The following RPP30 variants were observed in gnomAD, a reference collection of about 807,000 sequenced individuals.
RPP30 encodes the protein ribonuclease P/MRP subunit p30.
Under a neutral mutation model 38.6 loss-of-function variants are expected in RPP30, and 36 were observed. That is an observed-to-expected ratio of 0.93 (90% confidence interval 0.71 to 1.23). RPP30 has a LOEUF of 1.23. RPP30 is among the 50% of genes most tolerant of loss of function. The probability of loss-of-function intolerance (pLI) is 0.00; values close to 1 mark genes in which losing one functional copy is unlikely to be tolerated. For synonymous variants in RPP30, 126 were observed against 112.7 expected (o/e 1.12, Z -0.75); for missense variants, 321 against 321.7 (o/e 1.00, Z 0.02).
chr10:90,885,418 G>A (rs1846986901), intron 5 of RPP30, among the ~76,000 whole-genome samples: 1 of 152,198 alleles, frequency 6.6e-6, no homozygotes, highest in Non-Finnish European at 1.5e-5. Context: ...AATGGACTAT[G>A]CATACATTCC....
At position 90,872,025 on chromosome 10, in the gene RPP30, T is replaced by C. The variant is rs752704138; in HGVS notation, c.39T>C (p.Ser13=). 2 of 1,614,186 alleles carry C rather than the reference T, an allele frequency of 1.2e-6. No individual in the cohort carries two copies. Among genetic ancestry groups the C allele is most frequent in the Non-Finnish European group, 1.7e-6 (2 of 1,180,016 alleles). ...VFADLDLRAG[S]DLKALRGLVE... ...CAGATTTGGACCTGCGAGCGGGTTCTGACCTGAAGGCTCTGCGCGGACTTG... is the reference window on the plus strand; with the variant it reads ...CAGATTTGGACCTGCGAGCGGGTTCCGACCTGAAGGCTCTGCGCGGACTTG... Residue 13 remains serine (S), a synonymous_variant, in exon 1 of 11, where the codon TCT becomes TCC. Transcript: ENST00000371703.
At chr10:90,872,183 AT>A in intron 1 of RPP30, 115 bp downstream of exon 1, 6 of 903,910 alleles carry the variant, frequency 6.6e-6, no homozygotes, top group Non-Finnish European at 9.1e-6. Flanking sequence ...AGTCTCTGGG[AT>A]GTCCCTGGAG....
At chr10:90,892,199 A>C (rs1847089194) in intron 6 of RPP30, among the ~76,000 whole-genome samples, 1 of 152,210 alleles carries the variant, frequency 6.6e-6, no homozygotes, top group African/African-American at 2.4e-5. Context: ...CTAATCAGGC[A>C]GGCACTGTTA....
intron 3 of RPP30, 121 bp from the exon 4 acceptor site, chr10:90,875,903 G>T (rs963814102): frequency 2.6e-5 from 17 of 649,074 alleles, no homozygotes; most frequent in African/African-American, 7.3e-5. Context: ...CAAGGACTGG[G>T]TTTTATTGAT....
chr10:90,896,268 T>A, intron 9 of RPP30, 45 bp from the exon 10 acceptor site: 2 of 1,543,338 alleles, frequency 1.3e-6, no homozygotes, highest in Non-Finnish European at 1.8e-6. Flanking sequence ...GTTAGTCTCG[T>A]GTCCTTGGGT....
chr10:90,899,735 C>T (rs766737069), intron 10 of RPP30, among the ~76,000 whole-genome samples: 6 of 152,166 alleles, frequency 3.9e-5, no homozygotes, highest in Non-Finnish European at 8.8e-5. Context: ...AGTAGTGTCA[C>T]CTTTATATAA....
rs1324794149 is a variant in RPP30, at chr10:90,872,378, A to G, written c.82+310A>G. Among the ~76,000 whole-genome samples the G allele has an allele frequency of 4.6e-5, 7 of 152,316 alleles. No homozygotes were observed. In the East Asian group the frequency reaches 1.3e-3, roughly 29 times the overall value. ...GCCGGAGCTGGACTCCAAGGGTACA[A>G]TCTTCTAAGCTTCTAAGTTACTATC... On this transcript the variant is annotated intron_variant, in intron 1 of 10. Coordinates refer to ENST00000371703, the MANE Select transcript of RPP30 (RefSeq NM_006413.5).
intron 4 of RPP30, among the ~76,000 whole-genome samples, chr10:90,877,543 A>C (rs1054939114): frequency 2.6e-5 from 4 of 152,214 alleles, no homozygotes; most frequent in Admixed American, 2.6e-4. Context: ...GTAGAAGGAC[A>C]GCAAGCAAAG....
chr10:90,907,053 A>G (rs765640093), downstream of RPP30, among the ~76,000 whole-genome samples: 2 of 152,196 alleles, frequency 1.3e-5, no homozygotes, highest in African/African-American at 2.4e-5. Context: ...CCCTCTACCT[A>G]GTTATTAGTG....
intron 1 of RPP30, 166 bp downstream of exon 1, chr10:90,872,234 G>A: frequency 1.6e-6 from 1 of 637,924 alleles, no homozygotes; most frequent in East Asian, 2.8e-5. Context: ...TCCTAGCGCG[G>A]GAAACTCGAA....
intron 6 of RPP30, among the ~76,000 whole-genome samples, chr10:90,891,557 A>G (rs572656349): frequency 5.3e-5 from 8 of 152,352 alleles, no homozygotes; most frequent in South Asian, 2.1e-4. Flanking sequence ...GTGTTATTCT[A>G]CAGATACACT....
chr10:90,877,951 A>G lies in RPP30; in HGVS notation c.271-1112A>G, dbSNP rs377132248. 1.6e-4 allele frequency among the ~76,000 whole-genome samples: 24 copies of G among 152,338 alleles called. No individual in the cohort carries two copies. In the East Asian group the frequency reaches 3.5e-3, roughly 22 times the overall value. On this transcript the variant is annotated intron_variant, in intron 4 of 10. Coordinates refer to ENST00000371703, the MANE Select transcript of RPP30 (RefSeq NM_006413.5). ...TCATATAATAGAAGTAATTAAGGAAAGACTCCCTTTATAACAGTTACTATT... is the reference window on the plus strand; with the variant it reads ...TCATATAATAGAAGTAATTAAGGAAGGACTCCCTTTATAACAGTTACTATT...
At chr10:90,875,969 G>A (rs960021099) in intron 3 of RPP30, 55 bp from the exon 4 acceptor site, 8 of 1,048,728 alleles carry the variant, frequency 7.6e-6, no homozygotes, top group Non-Finnish European at 1.2e-5. Context: ...CTGGTAAAAA[G>A]GAAAATCAAT....
chr10:90,872,067 C>G lies in RPP30; in HGVS notation c.81C>G (p.His27Gln). ...GCGGACTTGTGGAGACAGCCGCTCACCGTGAGTTGCCCCGGCTTCGCGCCT... is the reference window on the plus strand; with the variant it reads ...GCGGACTTGTGGAGACAGCCGCTCAGCGTGAGTTGCCCCGGCTTCGCGCCT... ...ALRGLVETAA[H>Q]LGYSVVAINH... is the part of the protein sequence containing the mutation. Residue 27 changes from histidine (H) to glutamine (Q), a missense_variant and splice_region_variant, in exon 1 of 11, where the codon CAC becomes CAG. Transcript: ENST00000371703. The G allele has an allele frequency of 1.9e-6, 3 of 1,613,892 alleles. No individual in the cohort carries two copies. The highest frequency in any genetic ancestry group is 1.7e-6 in the Non-Finnish European group (2 of 1,179,768).
At chr10:90,875,511 G>T in intron 2 of RPP30, 47 bp from the exon 3 acceptor site, 8 of 1,440,582 alleles carry the variant, frequency 5.6e-6, no homozygotes, top group Non-Finnish European at 7.8e-6. Flanking sequence ...TATGCCTTGT[G>T]CTATTAATGG....
chr10:90,898,384 C>T (rs1486382150), intron 10 of RPP30, among the ~76,000 whole-genome samples: 2 of 152,110 alleles, frequency 1.3e-5, no homozygotes, highest in Admixed American at 6.6e-5. Flanking sequence ...CCCTGGTTTT[C>T]GTTGCCATTG....
At chr10:90,874,106 C>T (rs1589492658) in intron 1 of RPP30, among the ~76,000 whole-genome samples, 1 of 84,806 alleles carries the variant, frequency 1.2e-5, no homozygotes, top group Non-Finnish European at 2.4e-5. Context: ...GGAAGTTGGA[C>T]AAACTGTTGA....
At chr10:90,874,794 G>A in intron 1 of RPP30, 75 bp from the exon 2 acceptor site, 1 of 934,570 alleles carries the variant, frequency 1.1e-6, no homozygotes, top group Non-Finnish European at 1.7e-6. Flanking sequence ...TTGACATCTA[G>A]ACTCAGGATG....
chr10:90,899,567 A>T (rs1411369194), intron 10 of RPP30, among the ~76,000 whole-genome samples: 4 of 151,986 alleles, frequency 2.6e-5, no homozygotes, highest in African/African-American at 9.7e-5. Context: ...TTCATAAGTT[A>T]CCCTTCCAAA....
Sources: gnomAD v4.1 joint callset for allele counts (sites outside exome capture counted in the v4.1 genomes callset) on GRCh38, gnomAD v4.1.1 for gene constraint, MANE v1.5 for transcripts, NCBI Gene and HGNC (gene_info 2026-07-23, HGNC 2026-07-21) for gene names.